ST3GAL3: variants seen among roughly 807,000 people sequenced by gnomAD.
ST3GAL3 encodes CMP-N-acetylneuraminate-beta-1,4-galactoside alpha-2,3-sialyltransferase.
Under a neutral mutation model 50.1 loss-of-function variants are expected in ST3GAL3, and 21 were observed. The ratio of observed to expected loss-of-function variants is 0.42; its 90% CI spans 0.30 to 0.60. The LOEUF is 0.60. Ranked by LOEUF, ST3GAL3 falls within the 20% of genes least tolerant of loss-of-function variation. The pLI, the probability that ST3GAL3 is intolerant of heterozygous loss-of-function variation, is 0.19. For synonymous variants in ST3GAL3, 183 were observed against 190.0 expected, an observed-to-expected ratio of 0.96 and a Z score of 0.30; for missense variants, 353 against 489.4, an observed-to-expected ratio of 0.72 and a Z score of 2.63.
In ST3GAL3 at chr1:43,865,078, G is replaced by A. The variant is rs182166831; in HGVS notation, c.302+26767G>A. ...GTCGCCCAGGCTGGAGTGCAGTGGC[G>A]CGATCTCGGCTCACTGCAAGCTCCG... On this transcript the variant is annotated intron_variant, in intron 5 of 11. Coordinates refer to ENST00000347631, the MANE Select transcript of ST3GAL3 (RefSeq NM_006279.5). Among the ~76,000 whole-genome samples the A allele has an allele frequency of 5.3e-5, 8 of 150,712 alleles. No individual in the cohort carries two copies. In the East Asian group the frequency reaches 5.9e-4, roughly 11 times the overall value.
chr1:43,778,305 T>C (rs1269701379), intron 2 of ST3GAL3, among the ~76,000 whole-genome samples: 1 of 152,172 alleles, frequency 6.6e-6, no homozygotes, highest in African/African-American at 2.4e-5. Context: ...GAAGAATAGC[T>C]AATGGATGCT....
At chr1:43,875,944 CTTCTTCTTATTA>C (rs1465641728) in intron 5 of ST3GAL3, among the ~76,000 whole-genome samples, 633 of 48,970 alleles carry the variant, frequency 0.013, 2 homozygotes, top group South Asian at 0.024. Flanking sequence ...TCTTCTTCTT[CTTCTTCTTATTA>C]TTATTATTAT....
intron 2 of ST3GAL3, among the ~76,000 whole-genome samples, chr1:43,742,736 A>G (rs796535988): frequency 3.9e-5 from 6 of 152,340 alleles, no homozygotes; most frequent in African/African-American, 1.4e-4. Flanking sequence ...AGAGAAATGG[A>G]ATCTATAAAA....
rs752851436 is a variant in ST3GAL3 at position 43,792,118 on chromosome 1, C to G, written c.135C>G (p.Ser45=). ...WEEDSNSVVL[S]FDSAGQTLGS... ...GTGTTGCAGATTCAGTGGTTCTTTCCTTTGACTCCGCTGGACAAACACTAG... is the reference window on the plus strand; with the variant it reads ...GTGTTGCAGATTCAGTGGTTCTTTCGTTTGACTCCGCTGGACAAACACTAG... Residue 45 remains serine (S), a synonymous_variant, in exon 3 of 12, where the codon TCC becomes TCG. Coordinates refer to ENST00000347631, the MANE Select transcript of ST3GAL3 (RefSeq NM_006279.5). 1 of 1,614,172 alleles carries G rather than the reference C, an allele frequency of 6.2e-7. No homozygotes were observed. The highest frequency in any genetic ancestry group is 8.5e-7 in the Non-Finnish European group (1 of 1,180,028).
chr1:43,920,513 T>G lies in ST3GAL3; in HGVS notation c.854T>G (p.Ile285Ser). 6.2e-7 allele frequency: 1 copy of G among 1,614,164 alleles called. No homozygotes were observed. The highest frequency in any genetic ancestry group is 8.5e-7 in the Non-Finnish European group (1 of 1,180,016). The change falls in exon 10 of 12, where the codon ATT (isoleucine) becomes AGT (serine). Residue 285 changes from isoleucine to serine, a missense_variant. Physicochemically the swap from Ile to Ser is moderately radical, Grantham distance 142. Coordinates refer to ENST00000347631, the MANE Select transcript of ST3GAL3 (RefSeq NM_006279.5). ...ATCCAGGAGGCCGCCTTCACCCTCA[T>G]TGGCCTGCCCTTCAACAATGGCCTC... ...YFIQEAAFTL[I>S]GLPFNNGLMG...
At chr1:43,831,522 C>T (rs1193471138) in intron 4 of ST3GAL3, 1 of 152,224 alleles carries the variant, frequency 6.6e-6, no homozygotes, top group Non-Finnish European at 1.5e-5. Context: ...TTTCTATTGT[C>T]AAATGTATCA....
At chr1:43,851,122 G>T in intron 5 of ST3GAL3, 1 of 1,085,784 alleles carries the variant, frequency 9.2e-7, no homozygotes, top group Non-Finnish European at 1.4e-6. Flanking sequence ...CCAGGTTTTA[G>T]GAGGAGCAGC....
chr1:43,794,705 C>A (rs1489022343), intron 3 of ST3GAL3, among the ~76,000 whole-genome samples: 1 of 152,064 alleles, frequency 6.6e-6, no homozygotes, highest in Non-Finnish European at 1.5e-5. Flanking sequence ...AATGACTATG[C>A]AAATTGTATT....
chr1:43,891,331 A>T (rs561528517), intron 5 of ST3GAL3, among the ~76,000 whole-genome samples: 1 of 152,232 alleles, frequency 6.6e-6, no homozygotes, highest in Non-Finnish European at 1.5e-5. Flanking sequence ...GCACTTTGGG[A>T]GGCCAAGGCG....
chr1:43,886,446 A>C (rs1345073015), intron 5 of ST3GAL3, among the ~76,000 whole-genome samples: 1 of 152,232 alleles, frequency 6.6e-6, no homozygotes, highest in Non-Finnish European at 1.5e-5. Flanking sequence ...ATTGGATCAC[A>C]ATACATTATA....
At chr1:43,851,641 A>G (rs1386480992) in intron 5 of ST3GAL3, 2 of 1,271,908 alleles carry the variant, frequency 1.6e-6, no homozygotes, top group African/African-American at 3.0e-5. Flanking sequence ...TGTAAACCTC[A>G]ACATCGCTGT....
At chr1:43,898,434 G>A (rs1295098661) in intron 7 of ST3GAL3, 136 bp downstream of exon 7, 2 of 903,144 alleles carry the variant, frequency 2.2e-6, no homozygotes, top group Non-Finnish European at 3.6e-6. Context: ...ACACACACAG[G>A]GTGGGTGGAG....
rs376857887 is a variant in ST3GAL3 at position 43,824,934 on chromosome 1, T to C, written c.209+10001T>C. The C allele has an allele frequency of 7.0e-6, 5 of 719,146 alleles. No individual in the cohort carries two copies. In the African/African-American group the frequency reaches 7.0e-5, roughly 10 times the overall value. 44.5% of individuals were successfully genotyped at this position (719,146 alleles called of 1,614,324 possible). On this transcript the variant is annotated intron_variant, in intron 4 of 11. Coordinates refer to ENST00000347631, the MANE Select transcript of ST3GAL3 (RefSeq NM_006279.5). ...GCCAAATTGAGAACCACTGCTTTAATAAAAGATTCTGTTTCCTGTCTCAGG... is the reference window on the plus strand; with the variant it reads ...GCCAAATTGAGAACCACTGCTTTAACAAAAGATTCTGTTTCCTGTCTCAGG...
chr1:43,907,629 A>G (rs2080035408), intron 9 of ST3GAL3, among the ~76,000 whole-genome samples: 1 of 152,058 alleles, frequency 6.6e-6, no homozygotes, highest in African/African-American at 2.4e-5. Context: ...CTGCATCCCC[A>G]TTCATCCCTG....
rs374696292 is a variant in ST3GAL3, at chr1:43,885,761, G to T, written c.303-8622G>T. On this transcript the variant is annotated intron_variant, in intron 5 of 11. Coordinates refer to ENST00000347631, the MANE Select transcript of ST3GAL3 (RefSeq NM_006279.5). ...TATAGGCCCCAGCCCATTTTCCAAG[G>T]CCTCTGCAGGTGTCAAGCCACCTCA... Among the ~76,000 whole-genome samples, 12 of 152,300 alleles carry T rather than the reference G, an allele frequency of 7.9e-5. No homozygotes were observed. The East Asian group carries it at 1.9e-3, about 25-fold the overall frequency.
At chr1:43,752,156 A>G (rs1269197798) in intron 2 of ST3GAL3, among the ~76,000 whole-genome samples, 1 of 152,154 alleles carries the variant, frequency 6.6e-6, no homozygotes, top group Non-Finnish European at 1.5e-5. Flanking sequence ...TGGAGCTCAC[A>G]GTGTTCTAAA....
intron 1 of ST3GAL3, among the ~76,000 whole-genome samples, chr1:43,721,759 G>A (rs1342953592): frequency 6.6e-6 from 1 of 151,982 alleles, no homozygotes; most frequent in Admixed American, 6.6e-5. Flanking sequence ...GTGCCACTGC[G>A]CCTGACTGAT....
At chr1:43,725,031 A>G (rs986702443) in intron 1 of ST3GAL3, among the ~76,000 whole-genome samples, 2 of 152,148 alleles carry the variant, frequency 1.3e-5, no homozygotes, top group African/African-American at 4.8e-5. Flanking sequence ...TGCCATGTGT[A>G]ATCCCTAGCA....
chr1:43,900,026 CCCTGGCCTTAGATCT>C (rs556905403), intron 9 of ST3GAL3, among the ~76,000 whole-genome samples: 21 of 151,240 alleles, frequency 1.4e-4, no homozygotes, highest in African/African-American at 5.1e-4. Flanking sequence ...AGGGGCCCTT[CCCTGGCCTTAGATCT>C]CCTGGCCAAG....
Sources: gnomAD v4.1 joint callset for allele counts (sites outside exome capture counted in the v4.1 genomes callset) on GRCh38, gnomAD v4.1.1 for gene constraint, MANE v1.5 for transcripts, NCBI Gene and HGNC (gene_info 2026-07-23, HGNC 2026-07-21) for gene names.